The following COL21A1 variants were observed in gnomAD, a reference collection of about 807,000 sequenced individuals.
COL21A1 encodes collagen type XXI alpha 1 chain.
In COL21A1, 149 loss-of-function variants were observed where a neutral mutation model predicts 137.9. That is an observed-to-expected ratio of 1.08 (90% CI 0.95 to 1.24). The LOEUF is 1.24. COL21A1 is among the 50% of genes most tolerant of loss of function. COL21A1 has a pLI of 0.00. For missense variants in COL21A1, 1,167 were observed against 1,158.4 expected (o/e 1.01, Z -0.11); for synonymous variants, 456 against 391.5 (o/e 1.16, Z -1.95).
chr6:56,097,846 A>T (rs1366441699), intron 17 of COL21A1, among the ~76,000 whole-genome samples: 3 of 42,298 alleles, frequency 7.1e-5, no homozygotes, highest in Non-Finnish European at 1.1e-4. Flanking sequence ...TAAATATATA[A>T]ATATATATAA....
At chr6:56,167,099 A>C in intron 6 of COL21A1, 116 bp from the exon 7 acceptor site, 1 of 716,294 alleles carries the variant, frequency 1.4e-6, no homozygotes, top group South Asian at 1.7e-5. Context: ...GGTTTACATC[A>C]CAGCATTTAG....
chr6:56,150,529 C>CAT, intron 10 of COL21A1, among the ~76,000 whole-genome samples: 1 of 149,958 alleles, frequency 6.7e-6, no homozygotes, highest in Non-Finnish European at 1.5e-5. Context: ...CACACACACA[C>CAT]ACACACACAC....
intron 24 of COL21A1, among the ~76,000 whole-genome samples, chr6:56,062,686 A>G (rs1028860723): frequency 2.2e-4 from 34 of 152,194 alleles, no homozygotes; most frequent in Non-Finnish European, 4.0e-4. Context: ...TTAAATAAAA[A>G]TCATCATAAA....
At chr6:56,308,743 AAC>A (rs563088523) in intron 1 of COL21A1, among the ~76,000 whole-genome samples, 30 of 7,898 alleles carry the variant, frequency 3.8e-3, no homozygotes, top group South Asian at 0.17. Flanking sequence ...ACTACAAAAA[AAC>A]AAATAAGATT....
intron 1 of COL21A1, among the ~76,000 whole-genome samples, chr6:56,275,724 C>A (rs1294890985): frequency 6.6e-6 from 1 of 152,092 alleles, no homozygotes; most frequent in Non-Finnish European, 1.5e-5. Context: ...CAAAAAATGA[C>A]AGATTCTGGC....
chr6:56,236,550 T>C (rs1228159679), intron 1 of COL21A1, among the ~76,000 whole-genome samples: 1 of 152,038 alleles, frequency 6.6e-6, no homozygotes, highest in Non-Finnish European at 1.5e-5. Flanking sequence ...GAAACATTTG[T>C]TCAAACTGAA....
At chr6:56,236,534 T>C (rs974452764) in intron 1 of COL21A1, among the ~76,000 whole-genome samples, 1 of 152,012 alleles carries the variant, frequency 6.6e-6, no homozygotes, top group African/African-American at 2.4e-5. Flanking sequence ...AGAGTGTGTC[T>C]AAACAGAAAC....
intron 10 of COL21A1, among the ~76,000 whole-genome samples, chr6:56,144,607 A>G (rs1291232464): frequency 1.3e-5 from 2 of 152,196 alleles, no homozygotes; most frequent in African/African-American, 4.8e-5. Flanking sequence ...TAAAAGATCA[A>G]ATGCTGCTGT....
chr6:56,238,929 G>T (rs1447853151), intron 1 of COL21A1, among the ~76,000 whole-genome samples: 2 of 152,112 alleles, frequency 1.3e-5, no homozygotes, highest in African/African-American at 4.8e-5. Flanking sequence ...GGGTTTATGT[G>T]CATTGTTTTA....
chr6:56,259,975 T>C (rs1176540506), intron 1 of COL21A1, among the ~76,000 whole-genome samples: 1 of 152,160 alleles, frequency 6.6e-6, no homozygotes, highest in Non-Finnish European at 1.5e-5. Context: ...GTCTCATTAT[T>C]GAGGAAAGAA....
intron 1 of COL21A1, among the ~76,000 whole-genome samples, chr6:56,371,402 A>G (rs1247418903): frequency 6.6e-6 from 1 of 152,176 alleles, no homozygotes; most frequent in African/African-American, 2.4e-5. Flanking sequence ...CTGATGACCA[A>G]TGCTTTATCA....
Position 56,068,918 on chromosome 6 carries a change from G to A in COL21A1, c.2091+128C>T, listed in dbSNP as rs148007234. 7.9e-5 allele frequency: 52 copies of A among 660,242 alleles called. 1 individual carries two copies. In the East Asian group the frequency reaches 9.9e-4, roughly 13 times the overall value. 40.9% of individuals were successfully genotyped at this position (660,242 alleles called of 1,614,324 possible). A position where few individuals can be genotyped will look rare whatever the true frequency, so the allele number is the denominator to read the frequency against. On this transcript the variant is annotated intron_variant, in intron 22 of 29. Coordinates refer to ENST00000244728, the MANE Select transcript of COL21A1 (RefSeq NM_030820.4). Reference sequence around the variant, plus strand: ...GGGCTGAACATATTATACATACATCGAATATATAGGGTACTTTATCATTAA... The same window carrying A: ...GGGCTGAACATATTATACATACATCAAATATATAGGGTACTTTATCATTAA...
chr6:56,079,337 G>A (rs747442777), intron 17 of COL21A1, among the ~76,000 whole-genome samples: 10 of 151,716 alleles, frequency 6.6e-5, no homozygotes, highest in Admixed American at 2.6e-4. Flanking sequence ...TCAGACCTGA[G>A]AAGCTGAATT....
intron 1 of COL21A1, among the ~76,000 whole-genome samples, chr6:56,230,883 G>C (rs1363494243): frequency 6.6e-6 from 1 of 151,868 alleles, no homozygotes; most frequent in Non-Finnish European, 1.5e-5. Flanking sequence ...TATCACCCAT[G>C]TGAAAGGTTT....
At chr6:56,142,459 A>C (rs1774488252) in intron 10 of COL21A1, among the ~76,000 whole-genome samples, 1 of 152,154 alleles carries the variant, frequency 6.6e-6, no homozygotes, top group Non-Finnish European at 1.5e-5. Context: ...AAAGCTGCTG[A>C]TGTTAAATGT....
intron 1 of COL21A1, among the ~76,000 whole-genome samples, chr6:56,320,353 T>C (rs933651849): frequency 6.6e-6 from 1 of 152,080 alleles, no homozygotes; most frequent in African/African-American, 2.4e-5. Context: ...CAGAGCCCTC[T>C]CTGCTTCTTT....
At chr6:56,178,420 C>G (rs1016113576) in intron 3 of COL21A1, among the ~76,000 whole-genome samples, 1 of 152,054 alleles carries the variant, frequency 6.6e-6, no homozygotes, top group Non-Finnish European at 1.5e-5. Context: ...TCTATATTCT[C>G]TTAAATATGA....
intron 10 of COL21A1, among the ~76,000 whole-genome samples, chr6:56,147,900 C>A (rs544034867): frequency 6.6e-6 from 1 of 152,264 alleles, no homozygotes; most frequent in East Asian, 1.9e-4. Context: ...TCCCTGTCCT[C>A]TTTTTCTCTA....
intron 1 of COL21A1, among the ~76,000 whole-genome samples, chr6:56,278,935 G>A (rs1763731752): frequency 6.6e-6 from 1 of 152,194 alleles, no homozygotes; most frequent in Non-Finnish European, 1.5e-5. Context: ...CTGAGCTAGG[G>A]ATTAGTGAGG....
Sources: allele counts gnomAD v4.1 joint callset (sites outside exome capture counted in the v4.1 genomes callset), GRCh38; gene constraint gnomAD v4.1.1; transcripts MANE v1.5; gene names NCBI Gene and HGNC (gene_info 2026-07-23, HGNC 2026-07-21).